MRPL58: variants seen among roughly 807,000 people sequenced by gnomAD.
MRPL58 encodes the protein mitochondrial ribosomal protein L58, also known as large ribosomal subunit protein mL62.
A neutral mutation model predicts 26.0 loss-of-function variants in MRPL58; 17 were observed. The observed-to-expected ratio is 0.65, with a 90% CI of 0.45 to 0.98. The LOEUF (loss-of-function observed/expected upper bound fraction) is 0.98. Among genes scored for constraint, MRPL58 ranks in the 50% least tolerant of loss-of-function variants. The pLI is 0.00. For synonymous variants in MRPL58, 100 were observed against 99.7 expected (o/e 1.00, Z -0.02); for missense variants, 250 against 269.0 (o/e 0.93, Z 0.49).
At chr17:75,014,179 CTTTTTTTT>C (rs570042413) in intron 1 of MRPL58, among the ~76,000 whole-genome samples, 2 of 77,020 alleles carry the variant, frequency 2.6e-5, no homozygotes, top group African/African-American at 1.2e-4. Context: ...AGTCTGGGGC[CTTTTTTTT>C]TTTTTTTTTT....
chr17:75,019,625 C>A, intron 2 of MRPL58, 75 bp from the exon 3 acceptor site: 2 of 1,407,044 alleles, frequency 1.4e-6, no homozygotes, highest in Non-Finnish European at 2.0e-6. Context: ...TCCCTACATT[C>A]CTCAGACACA....
chr17:75,020,973 G>A lies in MRPL58; in HGVS notation c.589G>A (p.Val197Ile). The change falls in exon 6 of 6, where the codon GTA (valine) becomes ATA (isoleucine). Residue 197 changes from valine (V) to isoleucine (I), a missense_variant. Transcript: ENST00000301585. ...GAGACAAAAGAGAATTCATTCTGCT[G>A]TAAAGACAAGCAGGAGGGTCGACAT... ...RLRQKRIHSA[V>I]KTSRRVDMD The A allele has an allele frequency of 6.2e-7, 1 of 1,614,016 alleles. No individual in the cohort carries two copies. Among genetic ancestry groups the A allele is most frequent in the Non-Finnish European group, 8.5e-7 (1 of 1,179,878 alleles).
chr17:75,014,376 A>AT (rs1239008386), intron 1 of MRPL58, among the ~76,000 whole-genome samples: 6 of 127,412 alleles, frequency 4.7e-5, no homozygotes, highest in Admixed American at 1.6e-4. Flanking sequence ...TTTTTTTAGT[A>AT]GAGAGGGGGT....
At chr17:75,019,447 T>C (rs918915832) in intron 2 of MRPL58, among the ~76,000 whole-genome samples, 3 of 152,130 alleles carry the variant, frequency 2.0e-5, no homozygotes, top group Admixed American at 6.6e-5. Flanking sequence ...TGTTACCTAG[T>C]CAGAAAGTGG....
In MRPL58 at chr17:75,017,928, G is replaced by A. The variant is rs931826505; in HGVS notation, c.223+814G>A. Among the ~76,000 whole-genome samples the A allele has an allele frequency of 1.1e-4, 16 of 147,314 alleles. No homozygotes were observed. The Middle Eastern group carries it at 0.011, about 99-fold the overall frequency. On this transcript the variant is annotated intron_variant, in intron 2 of 5. Transcript: ENST00000301585. ...GACACAGCGAGACTCTGTCTCAGACGAAAAAAAAAAAATCAGTCATTTCTC... is the reference window on the plus strand; with the variant it reads ...GACACAGCGAGACTCTGTCTCAGACAAAAAAAAAAAAATCAGTCATTTCTC...
intron 1 of MRPL58, among the ~76,000 whole-genome samples, chr17:75,014,632 G>C (rs2039960452): frequency 6.6e-6 from 1 of 151,718 alleles, no homozygotes; most frequent in Non-Finnish European, 1.5e-5. Context: ...TTTTAGTAGA[G>C]ACAGGGTTTT....
At chr17:75,018,104 C>T (rs1486804680) in intron 2 of MRPL58, among the ~76,000 whole-genome samples, 7 of 152,256 alleles carry the variant, frequency 4.6e-5, no homozygotes, top group Non-Finnish European at 5.9e-5. Context: ...CCGTGTGCCA[C>T]GTGAGTGTAG....
chr17:75,018,196 A>ACCATTTGTT (rs1168686994), intron 2 of MRPL58, among the ~76,000 whole-genome samples: 1 of 151,842 alleles, frequency 6.6e-6, no homozygotes, highest in Admixed American at 6.6e-5. Context: ...TTTATAAGCT[A>ACCATTTGTT]CCATTTGTTT....
chr17:75,020,396 G>T lies in MRPL58; in HGVS notation c.366+1G>T, dbSNP rs1409550634. On this transcript the variant is annotated splice_donor_variant, in intron 4 of 5. Coordinates refer to ENST00000301585, the MANE Select transcript of MRPL58 (RefSeq NM_001545.3). LOFTEE classifies it high-confidence loss of function. ...CGTGCGGCAGAAGATAGCCATCACG[G>T]TAACCACCATCCCTTTCTTTCCCTA... The T allele has an allele frequency of 6.2e-7, 1 of 1,614,084 alleles. No homozygotes were observed. The highest frequency in any genetic ancestry group is 1.1e-5 in the South Asian group (1 of 91,082).
rs141289705 is a variant in MRPL58 at position 75,017,151 on chromosome 17, C to T, written c.223+37C>T. On this transcript the variant is annotated intron_variant, in intron 2 of 5. Transcript: ENST00000301585. ...TGTTTTCTTAAAAATCAGTTGGCTG[C>T]GTGGTGGCATGTGCCTGTAATCCCA... 7.2e-6 allele frequency: 11 copies of T among 1,529,940 alleles called. No homozygotes were observed. The East Asian group carries it at 1.4e-4, about 19-fold the overall frequency. The allele number at this position is 1,529,940 out of a possible 1,614,324, so 94.8% of individuals were successfully genotyped here. A position where few individuals can be genotyped will look rare whatever the true frequency, so the allele number is the denominator to read the frequency against.
chr17:75,020,144 T>C, intron 3 of MRPL58, 169 bp from the exon 4 acceptor site: 1 of 596,572 alleles, frequency 1.7e-6, no homozygotes, highest in Non-Finnish European at 3.0e-6. Flanking sequence ...TGCCCAAAAG[T>C]GCCTCACTGT....
rs201288213 is a variant in MRPL58 at position 75,020,615 on chromosome 17, C to T, written c.494C>T (p.Pro165Leu). The change falls in exon 5 of 6, where the codon CCG becomes CTG. Residue 165 changes from proline (P) to leucine (L), a missense_variant. Transcript: ENST00000301585. ...ATGATCACTGAGGCCAGCCAGACAC[C>T]GAAGGAGCCAACAAAAGAAGATGTT... Reference protein sequence around the residue: ...RDMITEASQTPKEPTKEDVKL... With the variant: ...RDMITEASQTLKEPTKEDVKL... The T allele has an allele frequency of 1.1e-5, 18 of 1,613,950 alleles. No individual in the cohort carries two copies. Among genetic ancestry groups the T allele is most frequent in the African/African-American group, 2.7e-5 (2 of 74,870 alleles).
Position 75,021,054 on chromosome 17 carries a change from C to T in MRPL58, c.*49C>T, listed in dbSNP as rs766198845. Reference sequence around the variant, plus strand: ...GCTCTTCTGGGCGTCCGGGCAGCTGCAGCTGAGAGGACTTTCACACCATAA... The same window carrying T: ...GCTCTTCTGGGCGTCCGGGCAGCTGTAGCTGAGAGGACTTTCACACCATAA... On this transcript the variant is annotated 3_prime_UTR_variant, in exon 6 of 6. Coordinates refer to ENST00000301585, the MANE Select transcript of MRPL58 (RefSeq NM_001545.3). 3 of 1,238,054 alleles carry T rather than the reference C, an allele frequency of 2.4e-6. No individual in the cohort carries two copies. The highest frequency in any genetic ancestry group is 3.4e-5 in the Admixed American group (2 of 59,164). 76.7% of individuals were successfully genotyped at this position (1,238,054 alleles called of 1,614,324 possible). A position where few individuals can be genotyped will look rare whatever the true frequency, so the allele number is the denominator to read the frequency against.
At chr17:75,019,283 TAG>T (rs2039997515) in intron 2 of MRPL58, among the ~76,000 whole-genome samples, 1 of 152,022 alleles carries the variant, frequency 6.6e-6, no homozygotes, top group South Asian at 2.1e-4. Context: ...AGTAGCTCGG[TAG>T]TAGCTCCTCA....
At chr17:75,017,611 G>A (rs1363872494) in intron 2 of MRPL58, among the ~76,000 whole-genome samples, 4 of 152,184 alleles carry the variant, frequency 2.6e-5, no homozygotes, top group South Asian at 2.1e-4. Context: ...AGCCGGGTGT[G>A]GTGGCGAGGG....
chr17:75,015,485 A>G (rs1391396206), intron 1 of MRPL58, among the ~76,000 whole-genome samples: 1 of 152,206 alleles, frequency 6.6e-6, no homozygotes, highest in Non-Finnish European at 1.5e-5. Context: ...ACTCCATCTC[A>G]AAACAAAAAC....
intron 1 of MRPL58, among the ~76,000 whole-genome samples, chr17:75,016,612 GTAGT>G (rs1396908990): frequency 6.6e-6 from 1 of 152,218 alleles, no homozygotes; most frequent in East Asian, 1.9e-4. Flanking sequence ...CCTGGAGTGA[GTAGT>G]TAGTTTGACA....
In MRPL58 at chr17:75,021,010, A is replaced by G; in HGVS notation, c.*5A>G. 2 of 1,607,664 alleles carry G rather than the reference A, an allele frequency of 1.2e-6. No individual in the cohort carries two copies. Among genetic ancestry groups the G allele is most frequent in the South Asian group, 2.2e-5 (2 of 90,974 alleles). On this transcript the variant is annotated 3_prime_UTR_variant, in exon 6 of 6. Coordinates refer to ENST00000301585, the MANE Select transcript of MRPL58 (RefSeq NM_001545.3). ...AGGAGGGTCGACATGGACTGAAATC[A>G]CCCTCTGCAGCTGGGAGGGCTCTTC...
At chr17:75,020,695 GT>G (rs1202000927) in intron 5 of MRPL58, 38 bp downstream of exon 5, 1 of 1,600,090 alleles carries the variant, frequency 6.2e-7, no homozygotes, top group Non-Finnish European at 8.6e-7. Flanking sequence ...AAACTGATTT[GT>G]GTGGACAAGA....
Sources: gnomAD v4.1 joint callset for allele counts (sites outside exome capture counted in the v4.1 genomes callset) on GRCh38, gnomAD v4.1.1 for gene constraint, MANE v1.5 for transcripts, NCBI Gene and HGNC (gene_info 2026-07-23, HGNC 2026-07-21) for gene names.